Variants in SOS1 observed in about 807,000 individuals in gnomAD.
SOS1 encodes son of sevenless homolog 1.
SOS1 carries 25 observed loss-of-function variants against 157.6 expected under a neutral mutation model. That is an observed-to-expected ratio of 0.16 (90% CI 0.12 to 0.22). The LOEUF (loss-of-function observed/expected upper bound fraction) is 0.22. Among genes scored for constraint, SOS1 ranks in the 10% least tolerant of loss-of-function variants. The probability of loss-of-function intolerance (pLI) is 1.00; values close to 1 mark genes in which losing one functional copy is unlikely to be tolerated. For synonymous variants in SOS1, 528 were observed against 534.0 expected (o/e 0.99, Z 0.16); for missense variants, 1,237 against 1,599.1 (o/e 0.77, Z 3.86).
chr2:39,071,087 C>T lies in SOS1; in HGVS notation c.88-3334G>A, dbSNP rs568016715. On this transcript the variant is annotated intron_variant, in intron 1 of 22. Coordinates refer to ENST00000402219, the MANE Select transcript of SOS1 (RefSeq NM_005633.4). ...TTTACCATGTTGGCCAGGTTGGTCT[C>T]GAACCCCTGACCTCAAGTGATCCAC... is the stretch of plus-strand genomic sequence containing the variant. Among the ~76,000 whole-genome samples, 12 of 152,174 alleles carry T rather than the reference C, an allele frequency of 7.9e-5. No homozygotes were observed. In the East Asian group the frequency reaches 2.3e-3, roughly 29 times the overall value.
chr2:39,045,934 A>C (rs756470423), intron 6 of SOS1, among the ~76,000 whole-genome samples: 1 of 152,050 alleles, frequency 6.6e-6, no homozygotes, highest in Non-Finnish European at 1.5e-5. Flanking sequence ...GGCTGGTCTC[A>C]AACTCCTGAC....
chr2:39,051,793 G>C (rs1671027468), intron 5 of SOS1, among the ~76,000 whole-genome samples: 1 of 152,042 alleles, frequency 6.6e-6, no homozygotes, highest in African/African-American at 2.4e-5. Flanking sequence ...GAAGACAGCA[G>C]GATTTTCATA....
chr2:39,014,714 C>T lies in SOS1; in HGVS notation c.1940+51G>A, dbSNP rs1669575810. On this transcript the variant is annotated intron_variant, in intron 11 of 22. Transcript: ENST00000402219. ...TTTCTGAAAAGGATCTTAGCTCAAT[C>T]TCTTTTTTAACAAAAAATAATGAAT... 4 of 998,896 alleles carry T rather than the reference C, an allele frequency of 4.0e-6. No homozygotes were observed. The South Asian group carries it at 4.4e-5, about 11-fold the overall frequency. The allele number at this position is 998,896 out of a possible 1,614,324, so 61.9% of individuals were successfully genotyped here.
intron 1 of SOS1, among the ~76,000 whole-genome samples, chr2:39,073,658 G>C (rs1191910589): frequency 1.3e-5 from 2 of 152,160 alleles, no homozygotes; most frequent in African/African-American, 4.8e-5. Context: ...ATTATTGCCA[G>C]GTTTTGTGGA....
At position 38,982,754 on chromosome 2, in the gene SOS1, G is replaced by A. The variant is rs1668440804; in HGVS notation, c.*3070C>T. 6.6e-6 allele frequency: 1 copy of A among 152,106 alleles called. No homozygotes were observed. The highest frequency in any genetic ancestry group is 2.1e-4 in the South Asian group (1 of 4,838). The allele number at this position is 152,106 out of a possible 1,614,324, so 9.4% of individuals were successfully genotyped here. On this transcript the variant is annotated 3_prime_UTR_variant, in exon 23 of 23. Transcript: ENST00000402219. ...TTAGAAGACAAACAATGAAATACAA[G>A]ATTAAGCTAAACTTGAGAATTAAGA...
intron 10 of SOS1, among the ~76,000 whole-genome samples, chr2:39,021,912 CAAAA>C (rs1021027289): frequency 6.6e-6 from 1 of 151,600 alleles, no homozygotes; most frequent in African/African-American, 2.4e-5. Flanking sequence ...TTGTACCTCT[CAAAA>C]AACAGCTTTA....
At chr2:39,096,178 T>C (rs1028927778) in intron 1 of SOS1, among the ~76,000 whole-genome samples, 2 of 152,208 alleles carry the variant, frequency 1.3e-5, no homozygotes, top group African/African-American at 2.4e-5. Context: ...TTAAGCAGAC[T>C]TGGCTAGAGA....
intron 1 of SOS1, among the ~76,000 whole-genome samples, chr2:39,081,724 C>T (rs1672207817): frequency 6.6e-6 from 1 of 151,826 alleles, no homozygotes; most frequent in African/African-American, 2.4e-5. Flanking sequence ...ACTTGGAAGG[C>T]TGAGGCAGGA....
intron 8 of SOS1, among the ~76,000 whole-genome samples, chr2:39,024,532 T>C (rs1424737597): frequency 6.6e-6 from 1 of 151,994 alleles, no homozygotes; most frequent in African/African-American, 2.4e-5. Context: ...CTGACCCCTA[T>C]ATTATTGTTA....
At position 39,071,671 on chromosome 2, in the gene SOS1, G is replaced by C. The variant is rs143293411; in HGVS notation, c.88-3918C>G. Among the ~76,000 whole-genome samples, 243 of 152,288 alleles carry C rather than the reference G, an allele frequency of 1.6e-3. 2 individuals are homozygous for C. The highest frequency in any genetic ancestry group is 5.3e-3 in the African/African-American group (221 of 41,566). On this transcript the variant is annotated intron_variant, in intron 1 of 22. Transcript: ENST00000402219. ...TCTAGACATTCGAAAAGATGTTTTA[G>C]AAAGTATTCAAGAAAGTATGATTAA...
intron 20 of SOS1, among the ~76,000 whole-genome samples, chr2:38,989,717 TAAA>T (rs1232420347): frequency 3.3e-5 from 5 of 152,110 alleles, no homozygotes; most frequent in African/African-American, 4.8e-5. Context: ...AGTTGAAAAA[TAAA>T]AAAGTTACTA....
chr2:39,018,591 A>C (rs1013290546), intron 10 of SOS1, among the ~76,000 whole-genome samples: 2 of 151,786 alleles, frequency 1.3e-5, no homozygotes, highest in African/African-American at 4.8e-5. Context: ...TACCTACATT[A>C]GTGTTCAGAA....
At chr2:39,067,538 T>A in intron 2 of SOS1, 90 bp downstream of exon 2, 1 of 1,154,546 alleles carries the variant, frequency 8.7e-7, no homozygotes, top group Non-Finnish European at 1.3e-6. Context: ...ACCATATATA[T>A]AGAGAGAGCA....
intron 14 of SOS1, among the ~76,000 whole-genome samples, chr2:39,010,978 C>T (rs1432331436): frequency 6.6e-6 from 1 of 150,632 alleles, no homozygotes; most frequent in Non-Finnish European, 1.5e-5. Flanking sequence ...TCACTGCAAC[C>T]TCCGCCTCCC....
intron 1 of SOS1, among the ~76,000 whole-genome samples, chr2:39,105,548 T>C (rs1673137806): frequency 6.6e-6 from 1 of 152,196 alleles, no homozygotes. Context: ...GTTTTATTTT[T>C]AAATTTTATA....
At chr2:39,016,147 A>G (rs1010924050) in intron 10 of SOS1, among the ~76,000 whole-genome samples, 2 of 152,202 alleles carry the variant, frequency 1.3e-5, no homozygotes, top group South Asian at 4.1e-4. Context: ...GATTTATCAC[A>G]AAACAGAAAT....
chr2:39,048,277 T>C (rs907067998), intron 6 of SOS1, among the ~76,000 whole-genome samples: 2 of 152,244 alleles, frequency 1.3e-5, no homozygotes, highest in African/African-American at 4.8e-5. Context: ...AAAATCCTAT[T>C]CTACCTTAGT....
At position 39,022,641 on chromosome 2, in the gene SOS1, G is replaced by T. The variant is rs749375187; in HGVS notation, c.1787C>A (p.Ala596Asp). Residue 596 changes from alanine (A) to aspartate (D), a missense_variant, in exon 10 of 23, where the codon GCT becomes GAT. Coordinates refer to ENST00000402219, the MANE Select transcript of SOS1 (RefSeq NM_005633.4). ...TCCTGCTTTGATAATTGGAATTCCA[G>T]CCTTGGGCTGCATGTTCTCTTCAAA... ...IIFEENMQPK[A>D]GIPIIKAGTV... 1 of 1,613,232 alleles carries T rather than the reference G, an allele frequency of 6.2e-7. No individual in the cohort carries two copies. The highest frequency in any genetic ancestry group is 8.5e-7 in the Non-Finnish European group (1 of 1,179,276).
chr2:39,035,331 A>ATT, intron 7 of SOS1, 21 bp from the exon 8 acceptor site: 1 of 1,558,930 alleles, frequency 6.4e-7, no homozygotes. Flanking sequence ...AAGTGATTTA[A>ATT]TTTTTTTTTT....
Sources: gnomAD v4.1 joint callset for allele counts (sites outside exome capture counted in the v4.1 genomes callset) on GRCh38, gnomAD v4.1.1 for gene constraint, MANE v1.5 for transcripts, NCBI Gene and HGNC (gene_info 2026-07-23, HGNC 2026-07-21) for gene names.